ARAP3: variants seen among roughly 807,000 people sequenced by gnomAD.
ARAP3 encodes arf-GAP with Rho-GAP domain, ANK repeat and PH domain-containing protein 3.
Under a neutral mutation model 169.2 loss-of-function variants are expected in ARAP3, and 82 were observed. The observed-to-expected ratio is 0.48, with a 90% CI of 0.41 to 0.58. The LOEUF (loss-of-function observed/expected upper bound fraction) is 0.58, where lower values mean the gene tolerates loss of function less well. ARAP3 is among the 20% of genes least tolerant of loss of function. The pLI is 0.00. For missense variants in ARAP3, 1,764 were observed against 2,018.0 expected, an observed-to-expected ratio of 0.87 and a Z score of 2.41; for synonymous variants, 791 against 800.3, an observed-to-expected ratio of 0.99 and a Z score of 0.20.
At position 141,653,976 on chromosome 5, in the gene ARAP3, G is replaced by A; in HGVS notation, c.4609C>T (p.Pro1537Ser). 2 of 1,537,668 alleles carry A rather than the reference G, an allele frequency of 1.3e-6. No individual in the cohort carries two copies. The highest frequency in any genetic ancestry group is 1.8e-6 in the Non-Finnish European group (2 of 1,142,836). Residue 1537 changes from proline to serine, a missense_variant, in exon 33 of 33, where the codon CCA (proline) becomes TCA (serine). Pro to Ser is a moderately conservative substitution (Grantham distance 74). This residue lies in a region of ARAP3 where 1,112 missense variants were observed against 1,285.7 expected (regional missense o/e 0.86). Transcript: ENST00000239440. Reference sequence around the variant, plus strand: ...CATGTGAGGGGCTGGCTGGAGGGTGGACTGGAAGTGCATGGGGGTTGGGTG... The same window carrying A: ...CATGTGAGGGGCTGGCTGGAGGGTGAACTGGAAGTGCATGGGGGTTGGGTG... ...FPTQPPCTSS[P>S]PSSQPLT
At position 141,673,588 on chromosome 5, in the gene ARAP3, C is replaced by G; in HGVS notation, c.902+17G>C. ...CCAGCCTCTCTTTTCTCCCTCCCTT[C>G]CCCTCCCAGCACCCACCCCTGAGGG... is the stretch of plus-strand genomic sequence containing the variant. On this transcript the variant is annotated intron_variant, in intron 5 of 32. Transcript: ENST00000239440. The G allele has an allele frequency of 6.2e-7, 1 of 1,612,700 alleles. No individual in the cohort carries two copies. The highest frequency in any genetic ancestry group is 8.5e-7 in the Non-Finnish European group (1 of 1,179,012).
intron 19 of ARAP3, among the ~76,000 whole-genome samples, chr5:141,662,526 C>T (rs565374810): frequency 6.6e-6 from 1 of 152,310 alleles, no homozygotes; most frequent in South Asian, 2.1e-4. Context: ...TCTCTGAAAT[C>T]ACTTTATAGT....
intron 21 of ARAP3, among the ~76,000 whole-genome samples, chr5:141,660,438 GAGCC>G (rs1192709137): frequency 2.0e-5 from 3 of 150,492 alleles, no homozygotes; most frequent in Non-Finnish European, 4.4e-5. Context: ...AGCTTGCAGT[GAGCC>G]GAGATTGCGC....
At chr5:141,681,240 C>G (rs1382059296) in intron 1 of ARAP3, among the ~76,000 whole-genome samples, 1 of 152,196 alleles carries the variant, frequency 6.6e-6, no homozygotes, top group Admixed American at 6.5e-5. Flanking sequence ...GAGATGAGGC[C>G]TGACCTCTGG....
At chr5:141,674,120 C>T (rs771175952) in intron 4 of ARAP3, among the ~76,000 whole-genome samples, 2 of 152,096 alleles carry the variant, frequency 1.3e-5, no homozygotes, top group Non-Finnish European at 2.9e-5. Flanking sequence ...TACGCTACCA[C>T]GCCTGGCTAA....
intron 4 of ARAP3, among the ~76,000 whole-genome samples, chr5:141,678,261 C>T (rs2099912476): frequency 1.3e-5 from 2 of 151,958 alleles, no homozygotes; most frequent in Admixed American, 6.6e-5. Flanking sequence ...CTTATCTGGC[C>T]TCTTTTACCT....
intron 23 of ARAP3, among the ~76,000 whole-genome samples, chr5:141,659,022 G>C (rs2099909591): frequency 6.6e-6 from 1 of 152,078 alleles, no homozygotes; most frequent in African/African-American, 2.4e-5. Flanking sequence ...GAGATGCTTG[G>C]AATATAGTAA....
chr5:141,673,858 AC>A, intron 4 of ARAP3, 50 bp from the exon 5 acceptor site: 2 of 1,578,918 alleles, frequency 1.3e-6, no homozygotes, highest in African/African-American at 2.7e-5. Flanking sequence ...AGTACCCCGG[AC>A]ACCCTCTTTG....
rs1442858510 is a variant in ARAP3 at position 141,659,956 on chromosome 5, T to G, written c.3120-30A>C. ...AGAGGGGTGCCACGGTCTTCATCAG[T>G]GTAGCCACTCATTCAGCAAACACTT... is the stretch of plus-strand genomic sequence containing the variant. On this transcript the variant is annotated intron_variant, in intron 21 of 32. Coordinates refer to ENST00000239440, the MANE Select transcript of ARAP3 (RefSeq NM_022481.6). 2.0e-6 allele frequency: 3 copies of G among 1,531,176 alleles called. No homozygotes were observed. In the South Asian group the frequency reaches 3.6e-5, roughly 18 times the overall value. The allele number at this position is 1,531,176 out of a possible 1,614,324, so 94.8% of individuals were successfully genotyped here.
intron 4 of ARAP3, among the ~76,000 whole-genome samples, chr5:141,677,180 TA>T (rs2099912286): frequency 1.3e-5 from 2 of 152,230 alleles, no homozygotes; most frequent in South Asian, 4.1e-4. Flanking sequence ...TCCTAAACAT[TA>T]ACATTTTAGT....
In ARAP3 at chr5:141,671,233, T is replaced by A; in HGVS notation, c.1990+32A>T. ...CATAGGTTGGGTCTGAGAATTCCTG[T>A]AGGGGAGAGAGGAGGCACTTGGGGG... On this transcript the variant is annotated intron_variant, in intron 13 of 32. Transcript: ENST00000239440. This position sits in a 1 kb window ranked among gnomAD's most constrained non-coding sequence, Gnocchi z 4.9. 1 of 1,565,178 alleles carries A rather than the reference T, an allele frequency of 6.4e-7. No individual in the cohort carries two copies. Among genetic ancestry groups the A allele is most frequent in the Non-Finnish European group, 8.7e-7 (1 of 1,154,826 alleles).
intron 22 of ARAP3, 124 bp downstream of exon 22, chr5:141,659,655 C>T: frequency 1.4e-6 from 2 of 1,418,812 alleles, no homozygotes; most frequent in Admixed American, 2.1e-5. Context: ...GGAGGTAGTT[C>T]CTGGTATAGC....
In ARAP3 at chr5:141,672,457, C is replaced by A; in HGVS notation, c.1385+95G>T. 1 of 1,495,908 alleles carries A rather than the reference C, an allele frequency of 6.7e-7. No homozygotes were observed. The highest frequency in any genetic ancestry group is 9.1e-7 in the Non-Finnish European group (1 of 1,097,710). 92.7% of individuals were successfully genotyped at this position (1,495,908 alleles called of 1,614,324 possible). A position where few individuals can be genotyped will look rare whatever the true frequency, so the allele number is the denominator to read the frequency against. ...CACTGGACTACCATCTGTGCATACC[C>A]TCTGACGTCCTACTAAAGAGGCCTC... On this transcript the variant is annotated intron_variant, in intron 9 of 32. Transcript: ENST00000239440. The surrounding 1 kb of genome is among the most constrained non-coding windows in gnomAD (Gnocchi z 4.9).
Position 141,658,559 on chromosome 5 carries a change from C to T in ARAP3, c.3411+20G>A, listed in dbSNP as rs1396622880. 3 of 1,614,072 alleles carry T rather than the reference C, an allele frequency of 1.9e-6. No individual in the cohort carries two copies. The highest frequency in any genetic ancestry group is 2.2e-5 in the South Asian group (2 of 91,058). The stretch of plus-strand genomic sequence containing the variant: ...ACCTCACTATCCTCTTATTTCCCCT[C>T]CAGTCCCCTCAGGACCAACCTTCAG... On this transcript the variant is annotated intron_variant, in intron 24 of 32. Coordinates refer to ENST00000239440, the MANE Select transcript of ARAP3 (RefSeq NM_022481.6).
chr5:141,674,206 AC>A (rs2099911850), intron 4 of ARAP3, among the ~76,000 whole-genome samples: 1 of 151,164 alleles, frequency 6.6e-6, no homozygotes, highest in Non-Finnish European at 1.5e-5. Context: ...CAGGTGATCC[AC>A]CCGCCTTGGC....
intron 16 of ARAP3, 69 bp from the exon 17 acceptor site, chr5:141,666,712 G>T: frequency 1.3e-6 from 1 of 786,874 alleles, no homozygotes; most frequent in South Asian, 3.7e-5. Context: ...GGAGAGAAAT[G>T]AGAGTGACCG....
intron 1 of ARAP3, among the ~76,000 whole-genome samples, chr5:141,681,772 C>T (rs1295778751): frequency 1.3e-5 from 2 of 152,196 alleles, no homozygotes; most frequent in Non-Finnish European, 2.9e-5. Context: ...GTGACCAGGA[C>T]GCCCTCTCCG....
At chr5:141,660,319 C>T (rs1233315165) in intron 21 of ARAP3, among the ~76,000 whole-genome samples, 5 of 151,724 alleles carry the variant, frequency 3.3e-5, no homozygotes, top group South Asian at 2.1e-4. Context: ...GGTGAAACCC[C>T]GTCTCTACTA....
At chr5:141,666,039 C>CAA (rs764552450) in intron 17 of ARAP3, among the ~76,000 whole-genome samples, 38 of 116,226 alleles carry the variant, frequency 3.3e-4, no homozygotes, top group African/African-American at 8.2e-4. Context: ...ACTCTGTCTC[C>CAA]AAAAAAAAAA....
Sources: allele counts gnomAD v4.1 joint callset (sites outside exome capture counted in the v4.1 genomes callset), GRCh38; gene constraint gnomAD v4.1.1; regional missense constraint gnomAD v4.1.1; non-coding constraint Gnocchi (gnomAD v3.1); transcripts MANE v1.5; gene names NCBI Gene and HGNC (gene_info 2026-07-23, HGNC 2026-07-21).